Variants in PLCB4 observed in about 807,000 individuals in gnomAD.
The protein encoded by PLCB4 is 1-phosphatidylinositol 4,5-bisphosphate phosphodiesterase beta-4.
PLCB4 carries 77 observed loss-of-function variants against 178.8 expected under a neutral mutation model. The observed-to-expected ratio is 0.43, with a 90% CI of 0.36 to 0.52. PLCB4 has a LOEUF of 0.52. PLCB4 is among the 20% of genes least tolerant of loss of function. The pLI, the probability that PLCB4 is intolerant of heterozygous loss-of-function variation, is 0.00. For missense variants in PLCB4, 1,024 were observed against 1,453.4 expected (o/e 0.70, Z 4.80); for synonymous variants, 496 against 490.8 (o/e 1.01, Z -0.14).
chr20:9,469,913 A>G (rs1256773704), intron 36 of PLCB4, among the ~76,000 whole-genome samples: 2 of 152,222 alleles, frequency 1.3e-5, no homozygotes, highest in African/African-American at 4.8e-5. Flanking sequence ...TACAAATGCT[A>G]TCAGCTCCAT....
chr20:9,115,254 C>T lies in PLCB4; in HGVS notation c.-79+18912C>T, dbSNP rs184022883. 2.5e-3 allele frequency among the ~76,000 whole-genome samples: 377 copies of T among 152,030 alleles called. 1 individual carries two copies. Among genetic ancestry groups the T allele is most frequent in the Non-Finnish European group, 2.8e-3 (190 of 67,976 alleles). ...TTTGTAAATCCTGAATAAATTGAAACGAGAACAGTGCTGATGGTCCTCATA... is the reference window on the plus strand; with the variant it reads ...TTTGTAAATCCTGAATAAATTGAAATGAGAACAGTGCTGATGGTCCTCATA... On this transcript the variant is annotated intron_variant, in intron 2 of 39. Transcript: ENST00000378473.
chr20:9,173,330 A>G (rs1408761065), intron 2 of PLCB4, among the ~76,000 whole-genome samples: 5 of 152,132 alleles, frequency 3.3e-5, no homozygotes, highest in Non-Finnish European at 7.4e-5. Flanking sequence ...AAACAGATTT[A>G]CCTCATCTCC....
At chr20:9,329,850 A>G (rs1015165001) in intron 4 of PLCB4, among the ~76,000 whole-genome samples, 1 of 152,290 alleles carries the variant, frequency 6.6e-6, no homozygotes, top group Admixed American at 6.5e-5. Context: ...TAGGAGAGGC[A>G]CAAATGGAAT....
intron 3 of PLCB4, among the ~76,000 whole-genome samples, chr20:9,224,203 C>G (rs906740866): frequency 1.3e-5 from 2 of 152,160 alleles, no homozygotes; most frequent in African/African-American, 4.8e-5. Flanking sequence ...GGACCCTCTC[C>G]ATTGCCACTC....
At position 9,480,008 on chromosome 20, in the gene PLCB4, C is replaced by G. The variant is rs2044786889; in HGVS notation, c.*999C>G. On this transcript the variant is annotated 3_prime_UTR_variant, in exon 40 of 40. Coordinates refer to ENST00000378473, the MANE Select transcript of PLCB4 (RefSeq NM_001377142.1). Reference sequence around the variant, plus strand: ...CTTTTAGCATAATGAAAAACCCTCTCTCTATATATATATGTGTATATGAAT... The same window carrying G: ...CTTTTAGCATAATGAAAAACCCTCTGTCTATATATATATGTGTATATGAAT... 6.6e-6 allele frequency: 1 copy of G among 152,492 alleles called. No individual in the cohort carries two copies. The highest frequency in any genetic ancestry group is 2.1e-4 in the South Asian group (1 of 4,830). 9.4% of individuals were successfully genotyped at this position (152,492 alleles called of 1,614,324 possible).
chr20:9,456,077 C>T (rs1487821994), intron 33 of PLCB4, among the ~76,000 whole-genome samples: 1 of 152,206 alleles, frequency 6.6e-6, no homozygotes, highest in East Asian at 1.9e-4. Context: ...CTCAAGTGAT[C>T]TGCCTACCTT....
intron 35 of PLCB4, among the ~76,000 whole-genome samples, chr20:9,466,671 A>G (rs1467468890): frequency 2.6e-4 from 40 of 152,248 alleles, no homozygotes; most frequent in Non-Finnish European, 2.9e-5. Flanking sequence ...CAACAGACAC[A>G]TGAAAAAATG....
intron 12 of PLCB4, among the ~76,000 whole-genome samples, chr20:9,378,322 G>A (rs568644792): frequency 6.6e-6 from 1 of 152,264 alleles, no homozygotes; most frequent in East Asian, 1.9e-4. Flanking sequence ...ACATAACAGT[G>A]CTGGGGTCTA....
intron 25 of PLCB4, among the ~76,000 whole-genome samples, chr20:9,415,945 G>T (rs1376321480): frequency 6.6e-6 from 1 of 152,136 alleles, no homozygotes; most frequent in Non-Finnish European, 1.5e-5. Context: ...AACCTCTGCT[G>T]CTCTCTCAGA....
chr20:9,099,517 A>G (rs976939852), intron 2 of PLCB4, among the ~76,000 whole-genome samples: 8 of 152,180 alleles, frequency 5.3e-5, no homozygotes, highest in African/African-American at 1.9e-4. Context: ...CACCAGTCAC[A>G]ATTCACATGC....
chr20:9,398,018 G>C (rs2038735319), intron 19 of PLCB4, among the ~76,000 whole-genome samples: 1 of 152,164 alleles, frequency 6.6e-6, no homozygotes, highest in African/African-American at 2.4e-5. Context: ...TGAACGCTGG[G>C]AGCTCCGCTG....
At chr20:9,130,155 T>G (rs925802993) in intron 2 of PLCB4, among the ~76,000 whole-genome samples, 1 of 152,188 alleles carries the variant, frequency 6.6e-6, no homozygotes, top group African/African-American at 2.4e-5. Context: ...CTTCAGTGTC[T>G]TTGGGGGTGT....
At position 9,113,792 on chromosome 20, in the gene PLCB4, GT is replaced by G. The variant is rs2091677178; in HGVS notation, c.-79+17451del. Among the ~76,000 whole-genome samples, 5 of 152,270 alleles carry G rather than the reference GT, an allele frequency of 3.3e-5. No homozygotes were observed. The South Asian group carries it at 1.0e-3, about 32-fold the overall frequency. On this transcript the variant is annotated intron_variant, in intron 2 of 39. Transcript: ENST00000378473. The stretch of plus-strand genomic sequence containing the variant: ...AATATTGCATTAATGTAGAAATCTA[GT>G]CATTTGGCGTCCCTATTAATAGAAT...
intron 2 of PLCB4, among the ~76,000 whole-genome samples, chr20:9,119,332 C>T (rs1217186599): frequency 6.6e-6 from 1 of 152,002 alleles, no homozygotes; most frequent in African/African-American, 2.4e-5. Flanking sequence ...GGCAAGTTCC[C>T]ATAGGAAAAA....
At chr20:9,304,138 T>C (rs1356958490) in intron 3 of PLCB4, among the ~76,000 whole-genome samples, 2 of 151,104 alleles carry the variant, frequency 1.3e-5, no homozygotes, top group African/African-American at 4.9e-5. Flanking sequence ...ACATATTACA[T>C]ATCTAGGTTT....
intron 12 of PLCB4, among the ~76,000 whole-genome samples, chr20:9,374,948 CT>C (rs1284116881): frequency 1.3e-5 from 2 of 151,934 alleles, no homozygotes; most frequent in Non-Finnish European, 2.9e-5. Context: ...GTGTTTCCTT[CT>C]ATTTGATGTC....
rs568173598 is a variant in PLCB4 at position 9,441,339 on chromosome 20, G to A, written c.2765-2642G>A. Among the ~76,000 whole-genome samples, 35 of 152,220 alleles carry A rather than the reference G, an allele frequency of 2.3e-4. 1 individual carries two copies. The highest frequency in any genetic ancestry group is 8.2e-4 in the African/African-American group (34 of 41,548). ...CACGCCTCTCCATGGATTGGGGTGG[G>A]GTGGGGAATAAACTCTACTCCAGGA... is the stretch of plus-strand genomic sequence containing the variant. On this transcript the variant is annotated intron_variant, in intron 30 of 39. Transcript: ENST00000378473.
chr20:9,445,202 C>A (rs1233267835), intron 32 of PLCB4, among the ~76,000 whole-genome samples: 1 of 152,304 alleles, frequency 6.6e-6, no homozygotes, highest in South Asian at 2.1e-4. Flanking sequence ...GGTAGTACCT[C>A]TTTCCTTCCT....
intron 2 of PLCB4, among the ~76,000 whole-genome samples, chr20:9,209,618 T>A (rs1256115048): frequency 6.6e-6 from 1 of 152,042 alleles, no homozygotes; most frequent in African/African-American, 2.4e-5. Context: ...CAAGGAGTGT[T>A]GATGGCCTCT....
Sources: gnomAD v4.1 joint callset for allele counts (sites outside exome capture counted in the v4.1 genomes callset) on GRCh38, gnomAD v4.1.1 for gene constraint, MANE v1.5 for transcripts, NCBI Gene and HGNC (gene_info 2026-07-23, HGNC 2026-07-21) for gene names.